Variants in M1AP observed in about 807,000 individuals in gnomAD.
The protein encoded by M1AP is meiosis 1 associated protein, also known as meiosis 1 arrest protein.
A neutral mutation model predicts 51.2 loss-of-function variants in M1AP; 39 were observed. The observed-to-expected ratio is 0.76, with a 90% CI of 0.59 to 1.00. The LOEUF (loss-of-function observed/expected upper bound fraction) is 1.00. M1AP is among the 50% of genes least tolerant of loss of function. M1AP has a pLI of 0.00. For synonymous variants in M1AP, 251 were observed against 249.2 expected (o/e 1.01, Z -0.07); for missense variants, 545 against 641.2 (o/e 0.85, Z 1.62).
At chr2:74,647,240 T>C in intron 1 of M1AP, 6 of 985,292 alleles carry the variant, frequency 6.1e-6, no homozygotes, top group Non-Finnish European at 7.2e-6. Flanking sequence ...ATCCTCACAC[T>C]AGGCCCTCCC....
At chr2:74,583,122 A>G (rs1679511404) in intron 4 of M1AP, among the ~76,000 whole-genome samples, 1 of 152,112 alleles carries the variant, frequency 6.6e-6, no homozygotes, top group Non-Finnish European at 1.5e-5. Context: ...GAATATAAAA[A>G]CCACCAAAAA....
intron 5 of M1AP, 24 bp downstream of exon 5, chr2:74,581,649 TA>T: frequency 6.2e-7 from 1 of 1,606,152 alleles, no homozygotes; most frequent in Non-Finnish European, 8.5e-7. Flanking sequence ...AATCATAGCC[TA>T]AATATCTTTT....
At chr2:74,589,820 T>G (rs961633540) in intron 4 of M1AP, among the ~76,000 whole-genome samples, 6 of 152,218 alleles carry the variant, frequency 3.9e-5, no homozygotes, top group African/African-American at 1.4e-4. Flanking sequence ...AAAAAAATAA[T>G]TGACTGTTAA....
chr2:74,625,936 C>T (rs1298913805), intron 2 of M1AP, among the ~76,000 whole-genome samples: 1 of 152,202 alleles, frequency 6.6e-6, no homozygotes, highest in Non-Finnish European at 1.5e-5. Context: ...AATACGTATT[C>T]TGGGCATCCT....
At chr2:74,588,821 G>A (rs554708005) in intron 4 of M1AP, among the ~76,000 whole-genome samples, 9 of 152,348 alleles carry the variant, frequency 5.9e-5, no homozygotes, top group East Asian at 1.9e-4. Flanking sequence ...TCTTCTCAGA[G>A]AGAGAGAACT....
intron 4 of M1AP, among the ~76,000 whole-genome samples, chr2:74,601,714 A>C (rs2104679509): frequency 6.6e-6 from 1 of 152,314 alleles, no homozygotes; most frequent in African/African-American, 2.4e-5. Flanking sequence ...TATATGGTTA[A>C]AATTTATAGA....
intron 7 of M1AP, among the ~76,000 whole-genome samples, chr2:74,574,705 C>T (rs1487371476): frequency 6.6e-6 from 1 of 152,216 alleles, no homozygotes; most frequent in Non-Finnish European, 1.5e-5. Context: ...GACCCCTGCT[C>T]ACCTCTCCAA....
intron 7 of M1AP, 124 bp from the exon 8 acceptor site, chr2:74,562,547 G>A (rs895213334): frequency 1.3e-5 from 12 of 958,836 alleles, no homozygotes; most frequent in Admixed American, 5.2e-5. Flanking sequence ...ATTTAACTTC[G>A]GCCCTGGTAG....
rs990086241 is a variant in M1AP at position 74,559,599 on chromosome 2, A to G, written c.1434+99T>C. 13 of 703,610 alleles carry G rather than the reference A, an allele frequency of 1.8e-5. No individual in the cohort carries two copies. The African/African-American group carries it at 2.3e-4, about 13-fold the overall frequency. 43.6% of individuals were successfully genotyped at this position (703,610 alleles called of 1,614,324 possible). A position where few individuals can be genotyped will look rare whatever the true frequency, so the allele number is the denominator to read the frequency against. ...ATCCTCAATCACTCTTCCCTCTTCA[A>G]CCCCAACTGTCTTCAACCCCAGATA... On this transcript the variant is annotated intron_variant, in intron 10 of 10. Transcript: ENST00000421985.
At chr2:74,585,966 CTTG>C (rs1000059030) in intron 4 of M1AP, among the ~76,000 whole-genome samples, 2 of 152,190 alleles carry the variant, frequency 1.3e-5, no homozygotes, top group Admixed American at 6.5e-5. Context: ...ACACTGCCTT[CTTG>C]TTGTCACTCA....
Position 74,615,336 on chromosome 2 carries a change from A to T in M1AP, c.241-187T>A, listed in dbSNP as rs186639880. On this transcript the variant is annotated intron_variant, in intron 2 of 10. Transcript: ENST00000421985. Reference sequence around the variant, plus strand: ...ACCAAAATCTTCCCTACACTAGCAGAAGGAAAATTTGCAGCCATAAAGGTT... The same window carrying T: ...ACCAAAATCTTCCCTACACTAGCAGTAGGAAAATTTGCAGCCATAAAGGTT... Among the ~76,000 whole-genome samples, 1,167 of 152,326 alleles carry T rather than the reference A, an allele frequency of 7.7e-3. 22 individuals carry two copies. Among genetic ancestry groups the T allele is most frequent in the Admixed American group, 0.031 (468 of 15,296 alleles).
At chr2:74,559,625 G>C in intron 10 of M1AP, 73 bp downstream of exon 10, 1 of 716,738 alleles carries the variant, frequency 1.4e-6, no homozygotes, top group Non-Finnish European at 2.6e-6. Flanking sequence ...ACCCCAGATA[G>C]TCATGGGAGT....
intron 4 of M1AP, among the ~76,000 whole-genome samples, chr2:74,582,235 T>C (rs1679450043): frequency 6.6e-6 from 1 of 152,242 alleles, no homozygotes. Flanking sequence ...CACTTGTCAC[T>C]GGCCCAGCTT....
At chr2:74,591,001 C>T (rs1680009716) in intron 4 of M1AP, among the ~76,000 whole-genome samples, 1 of 152,200 alleles carries the variant, frequency 6.6e-6, no homozygotes, top group Non-Finnish European at 1.5e-5. Flanking sequence ...AGCTCAATTT[C>T]TCCATTTGTA....
rs752572696 is a variant in M1AP at position 74,580,190 on chromosome 2, A to AT, written c.769+1483dup. Among the ~76,000 whole-genome samples the AT allele has an allele frequency of 1.2e-4, 19 of 152,344 alleles. No homozygotes were observed. The East Asian group carries it at 3.7e-3, about 29-fold the overall frequency. On this transcript the variant is annotated intron_variant, in intron 5 of 10. Transcript: ENST00000421985. ...AGATTCAATGACATATGGTAACAGT[A>AT]TCTGCCTCATAGTGTTATGTGAAGA...
At chr2:74,578,017 C>G (rs1252944162) in intron 5 of M1AP, among the ~76,000 whole-genome samples, 1 of 152,194 alleles carries the variant, frequency 6.6e-6, no homozygotes, top group African/African-American at 2.4e-5. Flanking sequence ...AACCTAGATC[C>G]CTTGCATGTG....
chr2:74,617,803 A>G (rs896492592), intron 2 of M1AP, among the ~76,000 whole-genome samples: 3 of 152,254 alleles, frequency 2.0e-5, no homozygotes, highest in African/African-American at 7.2e-5. Context: ...AAGGTTCAGA[A>G]GTAAAAACAT....
chr2:74,637,128 T>TA (rs940405764), intron 2 of M1AP, among the ~76,000 whole-genome samples: 4 of 152,014 alleles, frequency 2.6e-5, no homozygotes, highest in East Asian at 1.9e-4. Context: ...TCTATCCATT[T>TA]AAAAAAAATG....
At chr2:74,608,898 G>A (rs762248687) in intron 3 of M1AP, among the ~76,000 whole-genome samples, 1 of 152,172 alleles carries the variant, frequency 6.6e-6, no homozygotes, top group African/African-American at 2.4e-5. Flanking sequence ...TGAGGTATCT[G>A]ATAAGGTCTT....
Sources: gnomAD v4.1 joint callset for allele counts (sites outside exome capture counted in the v4.1 genomes callset) on GRCh38, gnomAD v4.1.1 for gene constraint, MANE v1.5 for transcripts, NCBI Gene and HGNC (gene_info 2026-07-23, HGNC 2026-07-21) for gene names.